The following NPC1 variants were observed in gnomAD, a reference collection of about 807,000 sequenced individuals.
NPC1 encodes the protein Niemann-Pick C1 protein.
Under a neutral mutation model 140.4 loss-of-function variants are expected in NPC1, and 85 were observed. The ratio of observed to expected loss-of-function variants is 0.61; its 90% CI spans 0.51 to 0.72. NPC1 has a LOEUF of 0.72. Ranked by LOEUF, NPC1 falls within the 30% of genes least tolerant of loss-of-function variation. NPC1 has a pLI of 0.00. For synonymous variants in NPC1, 656 were observed against 624.8 expected (o/e 1.05, Z -0.74); for missense variants, 1,504 against 1,623.8 (o/e 0.93, Z 1.27).
intron 4 of NPC1, among the ~76,000 whole-genome samples, chr18:23,566,114 A>C (rs889109465): frequency 6.6e-6 from 1 of 152,104 alleles, no homozygotes; most frequent in African/African-American, 2.4e-5. Context: ...TAAAAAAATA[A>C]TGGACTCGGC....
chr18:23,523,978 T>C, intron 1 of NPC1: 1 of 820,524 alleles, frequency 1.2e-6, no homozygotes, highest in Non-Finnish European at 2.0e-6. Context: ...GTACGTGCTT[T>C]CAGTGAGACG....
chr18:23,530,067 C>T (rs1393087194), downstream of NPC1: 1 of 1,614,220 alleles, frequency 6.2e-7, no homozygotes, highest in Non-Finnish European at 8.5e-7. Flanking sequence ...CCTTGTCCAG[C>T]ACAACCTCTT....
intron 4 of NPC1, among the ~76,000 whole-genome samples, chr18:23,562,818 C>T (rs929822779): frequency 2.6e-5 from 4 of 151,742 alleles, no homozygotes; most frequent in South Asian, 2.1e-4. Context: ...AAAACCCCGT[C>T]TCTACAAAAA....
At chr18:23,526,695 A>AG, downstream of NPC1, 1 of 1,614,164 alleles carries the variant, frequency 6.2e-7, no homozygotes. Flanking sequence ...TACCAGACAA[A>AG]GGAAGACTCA....
intron 1 of NPC1, among the ~76,000 whole-genome samples, chr18:23,574,620 G>A (rs1276103280): frequency 6.6e-6 from 1 of 152,190 alleles, no homozygotes; most frequent in African/African-American, 2.4e-5. Flanking sequence ...GTCAGCAGGA[G>A]ATTGGGATTT....
intron 23 of NPC1, 37 bp from the exon 24 acceptor site, chr18:23,533,554 CCAACCTGTAATTG>C: frequency 6.3e-7 from 1 of 1,598,260 alleles, no homozygotes; most frequent in African/African-American, 1.3e-5. Context: ...ACCACTTTTA[CCAACCTGTAATTG>C]AACAAAAACA....
chr18:23,553,869 G>A (rs894528366), intron 9 of NPC1, among the ~76,000 whole-genome samples: 9 of 152,138 alleles, frequency 5.9e-5, no homozygotes, highest in East Asian at 1.9e-4. Context: ...CTAAAGCTGC[G>A]GAGCTGCAGA....
At chr18:23,543,252 C>A (rs890035172) in intron 14 of NPC1, among the ~76,000 whole-genome samples, 5 of 150,764 alleles carry the variant, frequency 3.3e-5, no homozygotes, top group Non-Finnish European at 7.4e-5. Context: ...TCGCTTGAAC[C>A]CGGGAGGCGG....
At chr18:23,510,479 C>G (rs565534045) in intron 3 of NPC1, among the ~76,000 whole-genome samples, 13 of 152,104 alleles carry the variant, frequency 8.5e-5, no homozygotes, top group Non-Finnish European at 1.8e-4. Context: ...GAAACCCTGT[C>G]TCTATTAAAA....
Position 23,568,844 on chromosome 18 carries a change from C to G in NPC1, c.442G>C (p.Val148Leu), listed in dbSNP as rs200323346. ...KTNVKELQYYVGQSFANAMYN... is the reference protein window; with the variant it reads ...KTNVKELQYYLGQSFANAMYN... ...TTACCATTGGCAAAACTCTGTCCGA[C>G]GTAGTATTGTAACTCTTTCACATTT... Residue 148 changes from valine to leucine, a missense_variant, in exon 4 of 25, where the codon GTC becomes CTC. Transcript: ENST00000269228. 1.2e-6 allele frequency: 2 copies of G among 1,614,000 alleles called. No individual in the cohort carries two copies. Among genetic ancestry groups the G allele is most frequent in the African/African-American group, 1.3e-5 (1 of 75,036 alleles).
chr18:23,527,287 T>C, downstream of NPC1, among the ~76,000 whole-genome samples: 1 of 149,044 alleles, frequency 6.7e-6, no homozygotes, highest in Non-Finnish European at 1.5e-5. Flanking sequence ...TGGCCCCAGC[T>C]ACTCCAGAGG....
intron 3 of NPC1, among the ~76,000 whole-genome samples, chr18:23,570,306 T>C (rs762394934): frequency 1.3e-5 from 2 of 152,222 alleles, no homozygotes; most frequent in Non-Finnish European, 2.9e-5. Context: ...TCTGATAATA[T>C]GGAGAAAGGT....
intron 4 of NPC1, among the ~76,000 whole-genome samples, chr18:23,566,780 C>T (rs2059131641): frequency 6.6e-6 from 1 of 152,196 alleles, no homozygotes; most frequent in Admixed American, 6.5e-5. Flanking sequence ...CATGTAACCA[C>T]CATTATAGTA....
In NPC1 at chr18:23,545,078, T is replaced by G; in HGVS notation, c.1829A>C (p.Glu610Ala). The G allele has an allele frequency of 3.1e-6, 5 of 1,613,090 alleles. No individual in the cohort carries two copies. Among genetic ancestry groups the G allele is most frequent in the Non-Finnish European group, 4.2e-6 (5 of 1,179,072 alleles). The change falls in exon 12 of 25, where the codon GAA becomes GCA. Residue 610 changes from glutamate (E) to alanine (A), a missense_variant. Transcript: ENST00000269228. ...TISFTAERSI[E>A]DELNRESDSD... ...GTCACTTTCACGATTTAGTTCATCT[T>G]CAATACTTCGTTCAGCAGTGAAGGA...
intron 3 of NPC1, among the ~76,000 whole-genome samples, chr18:23,515,272 T>C (rs2057969415): frequency 1.3e-5 from 2 of 152,206 alleles, no homozygotes; most frequent in Non-Finnish European, 2.9e-5. Context: ...CAGGCTATAA[T>C]TGCTTTGTTA....
At chr18:23,553,803 G>A (rs922124078) in intron 9 of NPC1, among the ~76,000 whole-genome samples, 1 of 152,046 alleles carries the variant, frequency 6.6e-6, no homozygotes, top group African/African-American at 2.4e-5. Context: ...AATTATAAAC[G>A]CACCCTGCCC....
intron 4 of NPC1, 69 bp downstream of exon 4, chr18:23,568,754 T>C: frequency 7.7e-7 from 1 of 1,295,282 alleles, no homozygotes; most frequent in South Asian, 1.2e-5. Context: ...ACAGGACAAC[T>C]AAAAGGAACA....
At chr18:23,534,657 C>T (rs2058599154) in intron 22 of NPC1, 98 bp from the exon 23 acceptor site, 2 of 933,102 alleles carry the variant, frequency 2.1e-6, no homozygotes, top group African/African-American at 1.6e-5. Flanking sequence ...CCAGGGCACC[C>T]TGGGTGCTAG....
chr18:23,522,639 T>C (rs1311451017), exon 2 of NPC1: 3 of 152,200 alleles, frequency 2.0e-5, no homozygotes, highest in African/African-American at 7.2e-5. Context: ...CAGGACCAGT[T>C]AGGAGGCATC....
Sources: allele counts gnomAD v4.1 joint callset (sites outside exome capture counted in the v4.1 genomes callset), GRCh38; gene constraint gnomAD v4.1.1; transcripts MANE v1.5; gene names NCBI Gene and HGNC (gene_info 2026-07-23, HGNC 2026-07-21).